The following DES variants were observed in gnomAD, a reference collection of about 807,000 sequenced individuals.
DES encodes the protein desmin.
A neutral mutation model predicts 55.1 loss-of-function variants in DES; 34 were observed. That is an observed-to-expected ratio of 0.62 (90% CI 0.47 to 0.82). DES has a LOEUF of 0.82. Ranked by LOEUF, DES falls within the 40% of genes least tolerant of loss-of-function variation. The pLI is 0.00. For missense variants in DES, 596 were observed against 645.9 expected (o/e 0.92, Z 0.84); for synonymous variants, 259 against 270.8 (o/e 0.96, Z 0.43).
chr2:219,426,130 C>A lies in DES; in HGVS notation c.*140C>A. 2.1e-6 allele frequency: 2 copies of A among 973,074 alleles called. No individual in the cohort carries two copies. The highest frequency in any genetic ancestry group is 1.6e-6 in the Non-Finnish European group (1 of 628,640). 60.3% of individuals were successfully genotyped at this position (973,074 alleles called of 1,614,324 possible). ...CCTCTGACCCCTCCTCACTGGCCAT[C>A]CCTCGTGGTCCCCAACAGCGACATA... On this transcript the variant is annotated 3_prime_UTR_variant, in exon 9 of 9. Coordinates refer to ENST00000373960, the MANE Select transcript of DES (RefSeq NM_001927.4). The surrounding 1 kb of genome is among the most constrained non-coding windows in gnomAD (Gnocchi z 4.5).
Position 219,418,413 on chromosome 2 carries a change from C to T in DES, c.-50C>T. On this transcript the variant is annotated 5_prime_UTR_variant, in exon 1 of 9. Coordinates refer to ENST00000373960, the MANE Select transcript of DES (RefSeq NM_001927.4). ...CCGCATCCACTCTCCGGCCGGCCGC[C>T]TGCCCGCCGCCTCCTCCGTGCGCCC... is the stretch of plus-strand genomic sequence containing the variant. 6.5e-7 allele frequency: 1 copy of T among 1,527,924 alleles called. No individual in the cohort carries two copies. The highest frequency in any genetic ancestry group is 1.4e-5 in the African/African-American group (1 of 70,436). 94.6% of individuals were successfully genotyped at this position (1,527,924 alleles called of 1,614,324 possible). A position where few individuals can be genotyped will look rare whatever the true frequency, so the allele number is the denominator to read the frequency against.
In DES at chr2:219,421,235, A is replaced by G. The variant is rs185864217; in HGVS notation, c.1024-105A>G. The G allele has an allele frequency of 1.5e-4, 195 of 1,261,914 alleles. 1 individual carries two copies. The East Asian group carries it at 4.2e-3, about 27-fold the overall frequency. 78.2% of individuals were successfully genotyped at this position (1,261,914 alleles called of 1,614,324 possible). On this transcript the variant is annotated intron_variant, in intron 5 of 8. Transcript: ENST00000373960. ...ACTTAATTTGAGTTCAGGGTTCAAC[A>G]TGGCCTGGACCTGACCATCTGGAGT...
Position 219,419,300 on chromosome 2 carries a change from C to G in DES, c.578+260C>G, listed in dbSNP as rs1310667118. Among the ~76,000 whole-genome samples the G allele has an allele frequency of 6.6e-6, 1 of 152,192 alleles. No individual in the cohort carries two copies. Among genetic ancestry groups the G allele is most frequent in the Non-Finnish European group, 1.5e-5 (1 of 68,032 alleles). ...TGGATATGGGAGAATTTAGGGGACC[C>G]GGTGCCCTGTGGACAGCCCCGTTAA... On this transcript the variant is annotated intron_variant, in intron 1 of 8. Coordinates refer to ENST00000373960, the MANE Select transcript of DES (RefSeq NM_001927.4). This position sits in a 1 kb window ranked among gnomAD's most constrained non-coding sequence, Gnocchi z 4.3.
chr2:219,424,474 A>ACCT (rs1954501290), intron 7 of DES, among the ~76,000 whole-genome samples: 3 of 152,144 alleles, frequency 2.0e-5, no homozygotes, highest in Admixed American at 2.0e-4. Flanking sequence ...CCTAGATCAA[A>ACCT]CCTTTTCTAT....
At position 219,420,554 on chromosome 2, in the gene DES, G is replaced by A; in HGVS notation, c.795G>A (p.Met265Ile). 1 of 1,613,970 alleles carries A rather than the reference G, an allele frequency of 6.2e-7. No individual in the cohort carries two copies. Among genetic ancestry groups the A allele is most frequent in the Non-Finnish European group, 8.5e-7 (1 of 1,180,002 alleles). Residue 265 changes from methionine to isoleucine, a missense_variant, in exon 4 of 9, where the codon ATG becomes ATA. By Grantham distance (10) the Met-to-Ile change is conservative. Transcript: ENST00000373960. This position sits in a 1 kb window ranked among gnomAD's most constrained non-coding sequence, Gnocchi z 6.0. ...AGCAGGTCCAGGTGGAGATGGACAT[G>A]TCTAAGCCAGACCTCACTGCCGCCC... ...QEQQVQVEMD[M>I]SKPDLTAALR...
intron 6 of DES, among the ~76,000 whole-genome samples, chr2:219,422,260 A>G (rs1425566556): frequency 6.6e-6 from 1 of 152,048 alleles, no homozygotes; most frequent in Non-Finnish European, 1.5e-5. Flanking sequence ...AGCCTTGCAC[A>G]GGGATAGGCT....
At position 219,423,805 on chromosome 2, in the gene DES, G is replaced by C. The variant is rs753305257; in HGVS notation, c.1273G>C (p.Ala425Pro). 1.2e-6 allele frequency: 2 copies of C among 1,613,876 alleles called. No individual in the cohort carries two copies. Among genetic ancestry groups the C allele is most frequent in the Non-Finnish European group, 1.7e-6 (2 of 1,179,854 alleles). ...CAATCTCCCCATCCAGACCTACTCT[G>C]CCCTCAACTTCCGAGGTGAGTGTCT... ...RINLPIQTYSALNFRETSPEQ... is the reference protein window; with the variant it reads ...RINLPIQTYSPLNFRETSPEQ... The change falls in exon 7 of 9, where the codon GCC (alanine) becomes CCC (proline). Residue 425 changes from alanine to proline, a missense_variant. Physicochemically the swap from Ala to Pro is conservative, Grantham distance 27 (BLOSUM62 -1). Transcript: ENST00000373960.
rs756984927 is a variant in DES at position 219,425,962 on chromosome 2, C to A, written c.1385C>A (p.Ala462Asp). The change falls in exon 9 of 9, where the codon GCC (alanine) becomes GAC (aspartate). Residue 462 changes from alanine to aspartate, a missense_variant. By Grantham distance (126) the Ala-to-Asp change is moderately radical. Coordinates refer to ENST00000373960, the MANE Select transcript of DES (RefSeq NM_001927.4). ...CTTCCTCCCCAGGTCGTCAGTGAGG[C>A]CACACAGCAGCAGCATGAAGTGCTC... ...ETRDGEVVSE[A>D]TQQQHEVL 4 of 1,614,028 alleles carry A rather than the reference C, an allele frequency of 2.5e-6. No homozygotes were observed. The highest frequency in any genetic ancestry group is 3.4e-6 in the Non-Finnish European group (4 of 1,179,992).
chr2:219,418,657 C>T lies in DES; in HGVS notation c.195C>T (p.Gly65=), dbSNP rs1256584430. 4.4e-6 allele frequency: 7 copies of T among 1,591,050 alleles called. No homozygotes were observed. Among genetic ancestry groups the T allele is most frequent in the Non-Finnish European group, 6.0e-6 (7 of 1,169,292 alleles). Reference sequence around the variant, plus strand: ...CGCGCACGTCGGGCGGGGCCGGGGGCCTGGGGTCGCTGCGGGCCAGCCGGC... The same window carrying T: ...CGCGCACGTCGGGCGGGGCCGGGGGTCTGGGGTCGCTGCGGGCCAGCCGGC... ...QVSRTSGGAG[G]LGSLRASRLG... The change falls in exon 1 of 9, where the codon GGC becomes GGT. Residue 65 remains glycine (G), a synonymous_variant. Transcript: ENST00000373960.
rs1227068284 is a variant in DES, at chr2:219,420,930, G to A, written c.1000G>A (p.Glu334Lys). 6.8e-6 allele frequency: 11 copies of A among 1,613,480 alleles called. No individual in the cohort carries two copies. Among genetic ancestry groups the A allele is most frequent in the Non-Finnish European group, 9.3e-6 (11 of 1,179,664 alleles). ...YRHQIQSYTC[E>K]IDALKGTNDS... ...ACACCAGATCCAGTCCTACACCTGC[G>A]AGATTGACGCCCTGAAGGGCACTGT... Residue 334 changes from glutamate to lysine, a missense_variant, in exon 5 of 9, where the codon GAG becomes AAG. By Grantham distance (56) the Glu-to-Lys change is moderately conservative. Coordinates refer to ENST00000373960, the MANE Select transcript of DES (RefSeq NM_001927.4). The surrounding 1 kb of genome is among the most constrained non-coding windows in gnomAD (Gnocchi z 6.0).
At chr2:219,425,181 G>A in intron 7 of DES, 1 of 169,696 alleles carries the variant, frequency 5.9e-6, no homozygotes, top group Non-Finnish European at 1.3e-5. Context: ...ACAGATGTGA[G>A]CCACCGCACC....
Position 219,420,202 on chromosome 2 carries a change from C to A in DES, c.639+47C>A. ...TTGCATGGCCTCTGGCCTTGCTCTG[C>A]CCCACCTGGGTGGCGGTGACCATGT... On this transcript the variant is annotated intron_variant, in intron 2 of 8. Transcript: ENST00000373960. This position sits in a 1 kb window ranked among gnomAD's most constrained non-coding sequence, Gnocchi z 6.0. 6.2e-7 allele frequency: 1 copy of A among 1,613,884 alleles called. No homozygotes were observed. Among genetic ancestry groups the A allele is most frequent in the Non-Finnish European group, 8.5e-7 (1 of 1,179,730 alleles).
intron 7 of DES, chr2:219,425,385 G>A: frequency 2.1e-6 from 1 of 466,106 alleles, no homozygotes; most frequent in South Asian, 2.1e-5. Context: ...TGGGCCTCAG[G>A]TGTCCCCTAC....
In DES at chr2:219,418,964, G is replaced by A. The variant is rs1954379458; in HGVS notation, c.502G>A (p.Val168Met). The A allele has an allele frequency of 1.3e-6, 2 of 1,555,242 alleles. No homozygotes were observed. Among genetic ancestry groups the A allele is most frequent in the East Asian group, 2.4e-5 (1 of 41,418 alleles). ...ELRELRRQVE[V>M]LTNQRARVDV... ...GCGGGAGCTGCGGCGCCAGGTGGAG[G>A]TGCTCACTAACCAGCGCGCGCGCGT... is the stretch of plus-strand genomic sequence containing the variant. The change falls in exon 1 of 9, where the codon GTG becomes ATG. Residue 168 changes from valine to methionine, a missense_variant. Val to Met is a conservative substitution (Grantham distance 21). Transcript: ENST00000373960.
At chr2:219,423,502 C>T (rs1954480298) in intron 6 of DES, among the ~76,000 whole-genome samples, 1 of 147,192 alleles carries the variant, frequency 6.8e-6, no homozygotes, top group African/African-American at 2.5e-5. Context: ...TGCAGTGGTG[C>T]AATCTCCGCT....
In DES at chr2:219,419,509, C is replaced by G. The variant is rs1954394198; in HGVS notation, c.578+469C>G. On this transcript the variant is annotated intron_variant, in intron 1 of 8. Transcript: ENST00000373960. The surrounding 1 kb of genome is among the most constrained non-coding windows in gnomAD (Gnocchi z 4.3). Reference sequence around the variant, plus strand: ...CTCTCAGCTCAGCTGTGATGAGGCCCTGGGGGAGGTGGGGGGAGGGGGGAG... The same window carrying G: ...CTCTCAGCTCAGCTGTGATGAGGCCGTGGGGGAGGTGGGGGGAGGGGGGAG... Among the ~76,000 whole-genome samples the G allele has an allele frequency of 7.5e-6, 1 of 132,854 alleles. No individual in the cohort carries two copies. Among genetic ancestry groups the G allele is most frequent in the Non-Finnish European group, 1.6e-5 (1 of 63,380 alleles). The allele number at this position is 132,854 out of a possible 152,430, so 87.2% of individuals were successfully genotyped here.
In DES at chr2:219,420,628, C is replaced by T. The variant is rs981782522; in HGVS notation, c.869C>T (p.Ser290Phe). The T allele has an allele frequency of 6.2e-7, 1 of 1,613,990 alleles. No homozygotes were observed. Among genetic ancestry groups the T allele is most frequent in the East Asian group, 2.2e-5 (1 of 44,884 alleles). ...GAGACCATCGCGGCTAAGAACATTT[C>T]TGAAGCTGAGGAGTGGTACAAGTCG... Reference protein sequence around the residue: ...QYETIAAKNISEAEEWYKSKV... With the variant: ...QYETIAAKNIFEAEEWYKSKV... Residue 290 changes from serine to phenylalanine, a missense_variant, in exon 4 of 9, where the codon TCT (serine) becomes TTT (phenylalanine). By Grantham distance (155) the Ser-to-Phe change is radical. Coordinates refer to ENST00000373960, the MANE Select transcript of DES (RefSeq NM_001927.4). The surrounding 1 kb of genome is among the most constrained non-coding windows in gnomAD (Gnocchi z 6.0).
Position 219,419,101 on chromosome 2 carries a change from G to A in DES, c.578+61G>A. The A allele has an allele frequency of 6.5e-7, 1 of 1,534,774 alleles. No homozygotes were observed. Among genetic ancestry groups the A allele is most frequent in the East Asian group, 2.4e-5 (1 of 40,882 alleles). On this transcript the variant is annotated intron_variant, in intron 1 of 8. Transcript: ENST00000373960. This position sits in a 1 kb window ranked among gnomAD's most constrained non-coding sequence, Gnocchi z 4.3. ...GGCAGGGCACAGGAGGCTAGGCCTGGGGTCTGGGGTCCCGCTGTCAGCACC... is the reference window on the plus strand; with the variant it reads ...GGCAGGGCACAGGAGGCTAGGCCTGAGGTCTGGGGTCCCGCTGTCAGCACC...
At position 219,426,121 on chromosome 2, in the gene DES, A is replaced by G. The variant is rs1334994632; in HGVS notation, c.*131A>G. ...CCCTCACAGCCTCTGACCCCTCCTCACTGGCCATCCCTCGTGGTCCCCAAC... is the reference window on the plus strand; with the variant it reads ...CCCTCACAGCCTCTGACCCCTCCTCGCTGGCCATCCCTCGTGGTCCCCAAC... On this transcript the variant is annotated 3_prime_UTR_variant, in exon 9 of 9. Coordinates refer to ENST00000373960, the MANE Select transcript of DES (RefSeq NM_001927.4). The surrounding 1 kb of genome is among the most constrained non-coding windows in gnomAD (Gnocchi z 4.5). The G allele has an allele frequency of 1.2e-5, 13 of 1,062,604 alleles. No homozygotes were observed. Among genetic ancestry groups the G allele is most frequent in the South Asian group, 2.7e-5 (2 of 75,134 alleles). 65.8% of individuals were successfully genotyped at this position (1,062,604 alleles called of 1,614,324 possible).
Sources: gnomAD v4.1 joint callset for allele counts (sites outside exome capture counted in the v4.1 genomes callset) on GRCh38, gnomAD v4.1.1 for gene constraint, Gnocchi (gnomAD v3.1) non-coding constraint, MANE v1.5 for transcripts, NCBI Gene and HGNC (gene_info 2026-07-23, HGNC 2026-07-21) for gene names.